ECHDC3: variants seen among roughly 807,000 people sequenced by gnomAD.
The protein encoded by ECHDC3 is enoyl-CoA hydratase domain-containing protein 3, mitochondrial.
A neutral mutation model predicts 17.9 loss-of-function variants in ECHDC3; 20 were observed. The observed-to-expected ratio is 1.12, with a 90% CI of 0.79 to 1.63. The LOEUF is 1.63. ECHDC3 is among the 40% of genes most tolerant of loss of function. The pLI is 0.00. For missense variants in ECHDC3, 407 were observed against 357.7 expected, an observed-to-expected ratio of 1.14 and a Z score of -1.11; for synonymous variants, 177 against 149.7, an observed-to-expected ratio of 1.18 and a Z score of -1.33.
Position 11,749,501 on chromosome 10 carries a change from G to A in ECHDC3, c.299G>A (p.Gly100Glu), listed in dbSNP as rs552383167. 90 of 1,613,976 alleles carry A rather than the reference G, an allele frequency of 5.6e-5. 1 individual carries two copies. In the South Asian group the frequency reaches 9.4e-4, roughly 17 times the overall value. The change falls in exon 3 of 5, where the codon GGG becomes GAG. Residue 100 changes from glycine to glutamate, a missense_variant. By Grantham distance (98) the Gly-to-Glu change is moderately conservative. Transcript: ENST00000379215. ...CAATTGGAAACATTTGCAGCTGAGG[G>A]GCCTGTGTTTTCTTCTGGGCATGAC... is the stretch of plus-strand genomic sequence containing the variant. ...DLKVIIISAEGPVFSSGHDLK... is the reference protein window; with the variant it reads ...DLKVIIISAEEPVFSSGHDLK...
chr10:11,743,354 C>T (rs1832718063), intron 1 of ECHDC3, among the ~76,000 whole-genome samples: 1 of 152,188 alleles, frequency 6.6e-6, no homozygotes, highest in African/African-American at 2.4e-5. Flanking sequence ...AATAAAACGT[C>T]GTCTTCTCCT....
At chr10:11,742,899 C>T in intron 1 of ECHDC3, 153 bp downstream of exon 1, 2 of 903,040 alleles carry the variant, frequency 2.2e-6, no homozygotes, top group Non-Finnish European at 2.9e-6. Context: ...GGCAGCGAGA[C>T]GCGCAGGTGG....
intron 2 of ECHDC3, among the ~76,000 whole-genome samples, chr10:11,748,841 G>A (rs1000980113): frequency 3.3e-5 from 5 of 152,162 alleles, no homozygotes; most frequent in Admixed American, 1.3e-4. Context: ...AGCCGAGATC[G>A]TGCCACTGCA....
chr10:11,755,187 G>T (rs60806452), intron 3 of ECHDC3, among the ~76,000 whole-genome samples: 4 of 152,050 alleles, frequency 2.6e-5, no homozygotes, highest in African/African-American at 7.2e-5. Flanking sequence ...TTAGCTGGGC[G>T]TGGTAGCCCA....
intron 4 of ECHDC3, among the ~76,000 whole-genome samples, chr10:11,756,584 T>C (rs1044612285): frequency 3.9e-5 from 6 of 152,178 alleles, no homozygotes; most frequent in African/African-American, 1.4e-4. Flanking sequence ...AATGTGTGTT[T>C]GTGGGGAAAT....
intron 3 of ECHDC3, among the ~76,000 whole-genome samples, chr10:11,752,607 T>A (rs78195954): frequency 0.014 from 2,056 of 152,294 alleles, 22 homozygotes; most frequent in Middle Eastern, 0.02. Flanking sequence ...CATATATAGA[T>A]GAGATTACAG....
At chr10:11,755,771 G>A in intron 4 of ECHDC3, 163 bp downstream of exon 4, 1 of 629,002 alleles carries the variant, frequency 1.6e-6, no homozygotes, top group East Asian at 3.0e-5. Flanking sequence ...TCCCTCTAAT[G>A]GCAGGGAGGG....
chr10:11,747,895 C>A (rs4747935), intron 2 of ECHDC3, among the ~76,000 whole-genome samples: 142,143 of 152,288 alleles, frequency 0.93, 67,182 homozygotes, highest in East Asian at 1. Flanking sequence ...GGAAAAGATG[C>A]CATATTCTGC....
intron 2 of ECHDC3, 123 bp from the exon 3 acceptor site, chr10:11,749,372 C>A (rs1330980787): frequency 1.3e-5 from 10 of 789,628 alleles, no homozygotes; most frequent in Non-Finnish European, 2.0e-5. Flanking sequence ...CAAAATTAGG[C>A]CATTAACTTG....
chr10:11,759,181 T>A (rs781644123), intron 4 of ECHDC3, among the ~76,000 whole-genome samples: 5 of 151,930 alleles, frequency 3.3e-5, no homozygotes, highest in Non-Finnish European at 5.9e-5. Context: ...TGGCGAAACC[T>A]CGTCTCTACT....
intron 4 of ECHDC3, among the ~76,000 whole-genome samples, chr10:11,759,490 C>T (rs1490925091): frequency 2.0e-5 from 3 of 152,126 alleles, no homozygotes; most frequent in Non-Finnish European, 4.4e-5. Context: ...TCGCTGAGTG[C>T]CGGCACCCTC....
intron 2 of ECHDC3, 39 bp downstream of exon 2, chr10:11,747,509 C>T (rs1159970176): frequency 6.2e-7 from 1 of 1,606,754 alleles, no homozygotes; most frequent in Non-Finnish European, 8.5e-7. Flanking sequence ...TCTGCAGTGC[C>T]CACAAGAGCT....
intron 2 of ECHDC3, 123 bp downstream of exon 2, chr10:11,747,593 A>C (rs1187483189): frequency 8.1e-7 from 1 of 1,235,864 alleles, no homozygotes; most frequent in African/African-American, 1.5e-5. Flanking sequence ...TTACAAGAAC[A>C]TTAATTATGG....
At position 11,742,553 on chromosome 10, in the gene ECHDC3, C is replaced by T; in HGVS notation, c.-24C>T. ...CGGCCGGCCAGGCAGCGCGATCCTG[C>T]GGCGTCTGGCCATCCCGAATGCTAT... is the stretch of plus-strand genomic sequence containing the variant. On this transcript the variant is annotated 5_prime_UTR_variant, in exon 1 of 5. Transcript: ENST00000379215. 1 of 1,263,394 alleles carries T rather than the reference C, an allele frequency of 7.9e-7. No individual in the cohort carries two copies. The highest frequency in any genetic ancestry group is 9.9e-7 in the Non-Finnish European group (1 of 1,006,334). 78.3% of individuals were successfully genotyped at this position (1,263,394 alleles called of 1,614,324 possible). A position where few individuals can be genotyped will look rare whatever the true frequency, so the allele number is the denominator to read the frequency against.
intron 3 of ECHDC3, among the ~76,000 whole-genome samples, chr10:11,752,905 G>C (rs1471778916): frequency 6.6e-6 from 1 of 152,192 alleles, no homozygotes; most frequent in Non-Finnish European, 1.5e-5. Flanking sequence ...ATTTCAGTGA[G>C]AATACAGCAT....
intron 1 of ECHDC3, among the ~76,000 whole-genome samples, chr10:11,745,212 A>G (rs927180162): frequency 8.5e-5 from 13 of 152,140 alleles, no homozygotes; most frequent in African/African-American, 2.4e-4. Context: ...GCAGTTTAGA[A>G]CACTCACAGT....
chr10:11,747,544 C>A (rs1181472136), intron 2 of ECHDC3, 74 bp downstream of exon 2: 1 of 1,534,822 alleles, frequency 6.5e-7, no homozygotes, highest in Non-Finnish European at 8.8e-7. Context: ...TAAACTGGGG[C>A]ATCCCTTTAT....
Position 11,763,241 on chromosome 10 carries a change from C to T in ECHDC3, c.609C>T (p.Leu203=), listed in dbSNP as rs200321097. 3.9e-6 allele frequency: 3 copies of T among 778,810 alleles called. No homozygotes were observed. The highest frequency in any genetic ancestry group is 2.7e-5 in the South Asian group (2 of 74,422). The allele number at this position is 778,810 out of a possible 1,614,324, so 48.2% of individuals were successfully genotyped here. A position where few individuals can be genotyped will look rare whatever the true frequency, so the allele number is the denominator to read the frequency against. The change falls in exon 5 of 5, where the codon CTC becomes CTT. Residue 203 remains leucine, a synonymous_variant. Coordinates refer to ENST00000379215, the MANE Select transcript of ECHDC3 (RefSeq NM_024693.5). The surrounding 1 kb of genome is among the most constrained non-coding windows in gnomAD (Gnocchi z 4.9). The part of the protein sequence containing the change: ...AVPRKVALEM[L]FTGEPISAQE... ...CCCCGTAGGTGGCCTTGGAGATGCT[C>T]TTTACTGGTGAGCCCATTTCTGCCC...
chr10:11,742,522 C>G lies in ECHDC3; in HGVS notation c.-55C>G. 5.6e-6 allele frequency: 7 copies of G among 1,252,944 alleles called. No homozygotes were observed. Among genetic ancestry groups the G allele is most frequent in the Non-Finnish European group, 7.0e-6 (7 of 998,004 alleles). The allele number at this position is 1,252,944 out of a possible 1,614,324, so 77.6% of individuals were successfully genotyped here. A position where few individuals can be genotyped will look rare whatever the true frequency, so the allele number is the denominator to read the frequency against. The stretch of plus-strand genomic sequence containing the variant: ...ACAGCAGCGCCCTCGGAGCGCCCAG[C>G]ACCTGCGGCCGGCCAGGCAGCGCGA... On this transcript the variant is annotated 5_prime_UTR_variant, in exon 1 of 5. Transcript: ENST00000379215.
Sources: gnomAD v4.1 joint callset for allele counts (sites outside exome capture counted in the v4.1 genomes callset) on GRCh38, gnomAD v4.1.1 for gene constraint, Gnocchi (gnomAD v3.1) non-coding constraint, MANE v1.5 for transcripts, NCBI Gene and HGNC (gene_info 2026-07-23, HGNC 2026-07-21) for gene names.